Variants in ARHGEF28 observed in about 807,000 individuals in gnomAD.
ARHGEF28 encodes 190 kDa guanine nucleotide exchange factor.
Under a neutral mutation model 206.6 loss-of-function variants are expected in ARHGEF28, and 152 were observed. The observed-to-expected ratio is 0.74, with a 90% CI of 0.64 to 0.84. ARHGEF28 has a LOEUF of 0.84. Ranked by LOEUF, ARHGEF28 falls within the 40% of genes least tolerant of loss-of-function variation. ARHGEF28 has a pLI of 0.00. For missense variants in ARHGEF28, 2,028 were observed against 2,073.2 expected (o/e 0.98, Z 0.42); for synonymous variants, 763 against 776.4 (o/e 0.98, Z 0.29).
intron 35 of ARHGEF28, among the ~76,000 whole-genome samples, chr5:73,923,670 C>T (rs1763648278): frequency 7.0e-6 from 1 of 143,070 alleles, no homozygotes; most frequent in Non-Finnish European, 1.5e-5. Flanking sequence ...TCTTCTTTGT[C>T]TAAAACAAGG....
intron 1 of ARHGEF28, among the ~76,000 whole-genome samples, chr5:73,646,932 T>C (rs562178874): frequency 1.3e-5 from 2 of 152,316 alleles, no homozygotes; most frequent in South Asian, 2.1e-4. Flanking sequence ...ATTATGCTTA[T>C]TGGTGTGGTG....
intron 16 of ARHGEF28, 102 bp downstream of exon 16, chr5:73,858,321 G>T: frequency 1.4e-6 from 2 of 1,389,464 alleles, no homozygotes; most frequent in Non-Finnish European, 1.9e-6. Context: ...CCTTTTCAGT[G>T]CCACACATAT....
Position 73,846,444 on chromosome 5 carries a change from C to T in ARHGEF28, c.1604C>T (p.Ser535Phe), listed in dbSNP as rs1273068949. The change falls in exon 12 of 36, where the codon TCC becomes TTC. Residue 535 changes from serine to phenylalanine, a missense_variant. Ser to Phe is a radical substitution (Grantham distance 155). Coordinates refer to ENST00000513042, the MANE Select transcript of ARHGEF28 (RefSeq NM_001177693.2). ...EPDFNISRAE[S>F]LPLSSNLQSK... is the part of the protein sequence containing the mutation. ...GATTTTAATATCTCCAGGGCTGAATCCCTTCCTCTATCAAGTAATCTACAG... is the reference window on the plus strand; with the variant it reads ...GATTTTAATATCTCCAGGGCTGAATTCCTTCCTCTATCAAGTAATCTACAG... The T allele has an allele frequency of 1.2e-6, 2 of 1,613,882 alleles. No homozygotes were observed. Among genetic ancestry groups the T allele is most frequent in the South Asian group, 1.1e-5 (1 of 91,070 alleles).
chr5:73,634,084 G>T (rs971554566), intron 1 of ARHGEF28, among the ~76,000 whole-genome samples: 5 of 152,034 alleles, frequency 3.3e-5, no homozygotes, highest in Non-Finnish European at 5.9e-5. Context: ...CTTTTAGAGT[G>T]TTTATACATT....
chr5:73,857,832 C>T (rs1759146633), intron 15 of ARHGEF28, 53 bp downstream of exon 15: 3 of 1,549,546 alleles, frequency 1.9e-6, no homozygotes, highest in Middle Eastern at 2.2e-4. Context: ...TTTAGTTTCT[C>T]AGCAGTTAGT....
intron 9 of ARHGEF28, among the ~76,000 whole-genome samples, chr5:73,815,526 A>G (rs1756148946): frequency 6.6e-6 from 1 of 152,166 alleles, no homozygotes; most frequent in South Asian, 2.1e-4. Context: ...ACCGTTCTGT[A>G]GAGTCTACCA....
At chr5:73,708,060 T>C (rs1317618125) in intron 2 of ARHGEF28, among the ~76,000 whole-genome samples, 1 of 152,206 alleles carries the variant, frequency 6.6e-6, no homozygotes, top group East Asian at 1.9e-4. Flanking sequence ...TTTATATTGC[T>C]AACCTCTACC....
chr5:73,635,107 C>A (rs2112124837), intron 1 of ARHGEF28, among the ~76,000 whole-genome samples: 1 of 152,126 alleles, frequency 6.6e-6, no homozygotes. Flanking sequence ...ACTTTGGGAG[C>A]CCGAGGCAGG....
chr5:73,858,207 C>T lies in ARHGEF28; in HGVS notation c.2035C>T (p.Leu679=), dbSNP rs1253580525. The stretch of plus-strand genomic sequence containing the variant: ...TAAAACACTCCTGGGGAAAGAGTCA[C>T]TGCAGTGTTCTAGTAAGTTCTCAGG... ...CDKTLLGKES[L]QCSNCNANVH... The change falls in exon 16 of 36, where the codon CTG becomes TTG. Residue 679 remains leucine (L), a synonymous_variant. Coordinates refer to ENST00000513042, the MANE Select transcript of ARHGEF28 (RefSeq NM_001177693.2). 2 of 1,596,672 alleles carry T rather than the reference C, an allele frequency of 1.3e-6. No individual in the cohort carries two copies. Among genetic ancestry groups the T allele is most frequent in the African/African-American group, 1.4e-5 (1 of 73,924 alleles).
chr5:73,841,671 CTCCAACCTGGGTGA>C (rs1390040127), intron 11 of ARHGEF28, among the ~76,000 whole-genome samples: 10 of 144,152 alleles, frequency 6.9e-5, no homozygotes, highest in Non-Finnish European at 1.5e-4. Context: ...CACCACTGAA[CTCCAACCTGGGTGA>C]CAGAGTGAGA....
intron 2 of ARHGEF28, among the ~76,000 whole-genome samples, chr5:73,719,278 G>T (rs1749771067): frequency 6.6e-6 from 1 of 152,102 alleles, no homozygotes; most frequent in South Asian, 2.1e-4. Flanking sequence ...GGGCATGGTG[G>T]CAGGCACCTG....
intron 2 of ARHGEF28, among the ~76,000 whole-genome samples, chr5:73,698,193 AC>A (rs1427289958): frequency 1.3e-5 from 2 of 152,150 alleles, no homozygotes; most frequent in Admixed American, 6.5e-5. Flanking sequence ...TTCCAGTGCC[AC>A]CCAACAGGAA....
intron 7 of ARHGEF28, among the ~76,000 whole-genome samples, chr5:73,792,734 C>G (rs890946250): frequency 2.0e-5 from 3 of 149,908 alleles, no homozygotes; most frequent in Admixed American, 6.7e-5. Flanking sequence ...AAAACCAAAC[C>G]AAATCCCTAC....
intron 2 of ARHGEF28, among the ~76,000 whole-genome samples, chr5:73,744,379 A>G (rs1165151402): frequency 2.0e-5 from 3 of 152,086 alleles, no homozygotes; most frequent in Non-Finnish European, 4.4e-5. Context: ...CTAATATTAC[A>G]CATCTGGCTC....
intron 35 of ARHGEF28, among the ~76,000 whole-genome samples, chr5:73,931,495 G>A (rs1764116151): frequency 6.6e-6 from 1 of 151,934 alleles, no homozygotes; most frequent in African/African-American, 2.4e-5. Context: ...TATATCCTCT[G>A]ATTTTTCTGT....
At chr5:73,646,373 T>C (rs1744424076) in intron 1 of ARHGEF28, among the ~76,000 whole-genome samples, 1 of 152,202 alleles carries the variant, frequency 6.6e-6, no homozygotes, top group East Asian at 1.9e-4. Context: ...CCTCCTTGAG[T>C]AGGATCCTCA....
At chr5:73,783,303 C>T (rs112361760) in intron 7 of ARHGEF28, among the ~76,000 whole-genome samples, 4 of 151,284 alleles carry the variant, frequency 2.6e-5, no homozygotes, top group South Asian at 2.1e-4. Flanking sequence ...AGCCAAATGA[C>T]GTACTGGGGA....
At chr5:73,693,709 G>A (rs1469642928) in intron 2 of ARHGEF28, among the ~76,000 whole-genome samples, 2 of 152,228 alleles carry the variant, frequency 1.3e-5, no homozygotes, top group African/African-American at 4.8e-5. Context: ...AGCAGCATGT[G>A]CATCTCAGAG....
At chr5:73,701,637 A>G (rs1276062270) in intron 2 of ARHGEF28, among the ~76,000 whole-genome samples, 1 of 152,076 alleles carries the variant, frequency 6.6e-6, no homozygotes, top group Non-Finnish European at 1.5e-5. Context: ...CTAACCCCTG[A>G]CAACCATTAA....
Sources: gnomAD v4.1 joint callset for allele counts (sites outside exome capture counted in the v4.1 genomes callset) on GRCh38, gnomAD v4.1.1 for gene constraint, MANE v1.5 for transcripts, NCBI Gene and HGNC (gene_info 2026-07-23, HGNC 2026-07-21) for gene names.